IDH1: variants seen among roughly 807,000 people sequenced by gnomAD.
The protein encoded by IDH1 is isocitrate dehydrogenase (NADP(+)) 1.
A neutral mutation model predicts 46.1 loss-of-function variants in IDH1; 33 were observed. That is an observed-to-expected ratio of 0.72 (90% CI 0.54 to 0.96). The LOEUF is 0.96. Among genes scored for constraint, IDH1 ranks in the 40% least tolerant of loss-of-function variants. IDH1 has a pLI of 0.00. For synonymous variants in IDH1, 144 were observed against 172.8 expected, an observed-to-expected ratio of 0.83 and a Z score of 1.31; for missense variants, 421 against 515.7, an observed-to-expected ratio of 0.82 and a Z score of 1.78.
At position 208,251,535 on chromosome 2, in the gene IDH1, C is replaced by A; in HGVS notation, c.17G>T (p.Ser6Ile). 6.2e-7 allele frequency: 1 copy of A among 1,613,574 alleles called. No individual in the cohort carries two copies. Among genetic ancestry groups the A allele is most frequent in the East Asian group, 2.2e-5 (1 of 44,854 alleles). ...TTGCATCTCTACCACAGAACCGCCA[C>A]TGATTTTTTTGGACATTTTGACTTC... is the stretch of plus-strand genomic sequence containing the variant. MSKKI[S>I]GGSVVEMQGD... The change falls in exon 3 of 10, where the codon AGT becomes ATT. Residue 6 changes from serine (S) to isoleucine (I), a missense_variant. Coordinates refer to ENST00000345146, the MANE Select transcript of IDH1 (RefSeq NM_005896.4).
At chr2:208,251,853 TAA>T (rs978127229) in intron 2 of IDH1, among the ~76,000 whole-genome samples, 2 of 148,632 alleles carry the variant, frequency 1.3e-5, no homozygotes, top group East Asian at 3.9e-4. Context: ...TTTACTTTGT[TAA>T]AAAAAAAAGA....
At chr2:208,251,242 C>T in intron 3 of IDH1, 188 bp downstream of exon 3, 1 of 487,220 alleles carries the variant, frequency 2.1e-6, no homozygotes, top group Non-Finnish European at 3.6e-6. Flanking sequence ...GTTTCTCCTT[C>T]CCTTTTTTTT....
chr2:208,239,375 T>A, intron 8 of IDH1, 142 bp from the exon 9 acceptor site: 1 of 799,342 alleles, frequency 1.3e-6, no homozygotes, highest in Non-Finnish European at 2.1e-6. Context: ...GCTAGAAGTT[T>A]TAGGAGAGTT....
In IDH1 at chr2:208,239,920, C is replaced by T. The variant is rs1472789241; in HGVS notation, c.934G>A (p.Val312Ile). The T allele has an allele frequency of 2.5e-6, 4 of 1,614,100 alleles. No individual in the cohort carries two copies. The highest frequency in any genetic ancestry group is 3.4e-6 in the Non-Finnish European group (4 of 1,179,944). ...TGGTACATGCGGTAGTGACGGGTTA[C>T]AGTCCCGTGGGCAGCCTCTGCTTCT... is the stretch of plus-strand genomic sequence containing the variant. ...TVEAEAAHGTVTRHYRMYQKG... is the reference protein window; with the variant it reads ...TVEAEAAHGTITRHYRMYQKG... The change falls in exon 8 of 10, where the codon GTA becomes ATA. Residue 312 changes from valine (V) to isoleucine (I), a missense_variant. Coordinates refer to ENST00000345146, the MANE Select transcript of IDH1 (RefSeq NM_005896.4).
At position 208,236,955 on chromosome 2, in the gene IDH1, ACT is replaced by A; in HGVS notation, c.*122_*123del. ...GGCTGTAAACTTATAGAAAAGATAA[ACT>A]CTGGCTTCTAAACAAATTACAAAAT... On this transcript the variant is annotated 3_prime_UTR_variant, in exon 10 of 10. Coordinates refer to ENST00000345146, the MANE Select transcript of IDH1 (RefSeq NM_005896.4). The A allele has an allele frequency of 1.5e-6, 1 of 656,946 alleles. No individual in the cohort carries two copies. Among genetic ancestry groups the A allele is most frequent in the South Asian group, 1.7e-5 (1 of 57,310 alleles). 40.7% of individuals were successfully genotyped at this position (656,946 alleles called of 1,614,324 possible).
At chr2:208,237,909 C>T (rs991219427) in intron 9 of IDH1, among the ~76,000 whole-genome samples, 8 of 150,626 alleles carry the variant, frequency 5.3e-5, no homozygotes, top group Non-Finnish European at 7.4e-5. Context: ...CTGGGCAAAG[C>T]GAGACTCTGT....
At chr2:208,242,271 A>G (rs1431438636) in intron 6 of IDH1, 126 bp from the exon 7 acceptor site, 5 of 882,616 alleles carry the variant, frequency 5.7e-6, no homozygotes, top group Non-Finnish European at 9.2e-6. Flanking sequence ...AAGTAGCAGA[A>G]ACTCAGGAAT....
In IDH1 at chr2:208,248,575, C is replaced by T. The variant is rs1206867982; in HGVS notation, c.208G>A (p.Gly70Ser). The T allele has an allele frequency of 1.9e-6, 3 of 1,614,016 alleles. No homozygotes were observed. The highest frequency in any genetic ancestry group is 2.5e-6 in the Non-Finnish European group (3 of 1,180,018). Residue 70 changes from glycine to serine, a missense_variant, in exon 4 of 10, where the codon GGC becomes AGC. Physicochemically the swap from Gly to Ser is moderately conservative, Grantham distance 56. Coordinates refer to ENST00000345146, the MANE Select transcript of IDH1 (RefSeq NM_005896.4). Reference protein sequence around the residue: ...AAEAIKKHNVGVKCATITPDE... With the variant: ...AAEAIKKHNVSVKCATITPDE... ...GGAGTGATAGTGGCACATTTGACGC[C>T]AACATTATGCTTCTTTATAGCTTCT... is the stretch of plus-strand genomic sequence containing the variant.
chr2:208,249,346 T>C (rs954933775), intron 3 of IDH1, among the ~76,000 whole-genome samples: 18 of 152,198 alleles, frequency 1.2e-4, no homozygotes, highest in Admixed American at 7.2e-4. Flanking sequence ...TGCACCACCA[T>C]GCCCAGCTAA....
chr2:208,246,678 C>A (rs1455557817), intron 4 of IDH1, among the ~76,000 whole-genome samples: 1 of 147,880 alleles, frequency 6.8e-6, no homozygotes, highest in East Asian at 2.0e-4. Flanking sequence ...TGGTGGCATG[C>A]CTGTAATCCC....
At chr2:208,244,593 A>G (rs1687982719) in intron 5 of IDH1, among the ~76,000 whole-genome samples, 1 of 152,198 alleles carries the variant, frequency 6.6e-6, no homozygotes, top group Non-Finnish European at 1.5e-5. Context: ...ACTTAAAGAT[A>G]GAACTTGAAT....
intron 6 of IDH1, 55 bp from the exon 7 acceptor site, chr2:208,242,200 G>C: frequency 1.3e-6 from 2 of 1,513,218 alleles, no homozygotes; most frequent in Admixed American, 1.7e-5. Flanking sequence ...TTTTGTTAGG[G>C]ATATCATCTG....
At chr2:208,250,697 A>C (rs12612631) in intron 3 of IDH1, among the ~76,000 whole-genome samples, 145,793 of 152,234 alleles carry the variant, frequency 0.96, 70,125 homozygotes, top group East Asian at 1. Flanking sequence ...AGACTTTTGC[A>C]TCTGTCCCCA....
intron 6 of IDH1, among the ~76,000 whole-genome samples, chr2:208,243,011 G>A (rs903759680): frequency 6.6e-6 from 1 of 152,052 alleles, no homozygotes; most frequent in Non-Finnish European, 1.5e-5. Context: ...TGATCCGCCC[G>A]CCTCGGCCTC....
chr2:208,236,928 A>G lies in IDH1; in HGVS notation c.*151T>C, dbSNP rs1277701462. Reference sequence around the variant, plus strand: ...TGGCAATAACTGTATATATAAGAAAAAGGCTGTAAACTTATAGAAAAGATA... The same window carrying G: ...TGGCAATAACTGTATATATAAGAAAGAGGCTGTAAACTTATAGAAAAGATA... On this transcript the variant is annotated 3_prime_UTR_variant, in exon 10 of 10. Transcript: ENST00000345146. 1 of 616,540 alleles carries G rather than the reference A, an allele frequency of 1.6e-6. No individual in the cohort carries two copies. The highest frequency in any genetic ancestry group is 1.9e-5 in the African/African-American group (1 of 54,022). The allele number at this position is 616,540 out of a possible 1,614,324, so 38.2% of individuals were successfully genotyped here.
At chr2:208,239,004 C>G in intron 9 of IDH1, 67 bp downstream of exon 9, 2 of 1,351,998 alleles carry the variant, frequency 1.5e-6, no homozygotes, top group Non-Finnish European at 1.1e-6. Flanking sequence ...CAGAAAGCAC[C>G]GATGCTCTGA....
chr2:208,244,919 A>G (rs1315951601), intron 5 of IDH1, among the ~76,000 whole-genome samples: 1 of 152,250 alleles, frequency 6.6e-6, no homozygotes, highest in Non-Finnish European at 1.5e-5. Context: ...TTCAGCAAAT[A>G]TATAAGGAAA....
intron 5 of IDH1, 110 bp from the exon 6 acceptor site, chr2:208,243,714 C>G: frequency 9.4e-6 from 8 of 853,276 alleles, no homozygotes; most frequent in Non-Finnish European, 1.5e-5. Context: ...TCTCAGCTCT[C>G]ACATCTGAGA....
rs752595957 is a variant in IDH1, at chr2:208,239,211, T to G, written c.1014A>C (p.Arg338Ser). 1 of 1,614,030 alleles carries G rather than the reference T, an allele frequency of 6.2e-7. No homozygotes were observed. Among genetic ancestry groups the G allele is most frequent in the South Asian group, 1.1e-5 (1 of 91,080 alleles). Residue 338 changes from arginine (R) to serine (S), a missense_variant, in exon 9 of 10, where the codon AGA (arginine) becomes AGC (serine). Coordinates refer to ENST00000345146, the MANE Select transcript of IDH1 (RefSeq NM_005896.4). Reference sequence around the variant, plus strand: ...CAAGCTTTGCTCTGTGGGCTAACCCTCTGGTCCAGGCAAAAATGGAAGCTA... The same window carrying G: ...CAAGCTTTGCTCTGTGGGCTAACCCGCTGGTCCAGGCAAAAATGGAAGCTA... ...NPIASIFAWTRGLAHRAKLDN... is the reference protein window; with the variant it reads ...NPIASIFAWTSGLAHRAKLDN...
Sources: gnomAD v4.1 joint callset for allele counts (sites outside exome capture counted in the v4.1 genomes callset) on GRCh38, gnomAD v4.1.1 for gene constraint, MANE v1.5 for transcripts, NCBI Gene and HGNC (gene_info 2026-07-23, HGNC 2026-07-21) for gene names.